Variants in IPO9 observed in about 807,000 individuals in gnomAD.
IPO9 encodes the protein importin 9, also known as importin-9.
In IPO9, 28 loss-of-function variants were observed where a neutral mutation model predicts 128.6. That is an observed-to-expected ratio of 0.22 (90% CI 0.16 to 0.30). IPO9 has a LOEUF of 0.30. IPO9 is among the 10% of genes least tolerant of loss of function. IPO9 has a pLI of 1.00. For missense variants in IPO9, 935 were observed against 1,293.9 expected (o/e 0.72, Z 4.26); for synonymous variants, 455 against 475.8 (o/e 0.96, Z 0.57).
At chr1:201,873,444 C>CAAAAAAAAAAAAAA (rs571580169) in intron 20 of IPO9, among the ~76,000 whole-genome samples, 1 of 58,230 alleles carries the variant, frequency 1.7e-5, no homozygotes, top group East Asian at 4.3e-4. Context: ...GACTCCGTCT[C>CAAAAAAAAAAAAAA]AAAAAAAAAA....
rs1018088123 is a variant in IPO9, at chr1:201,878,450, A to G, written c.*2396A>G. 5 of 152,568 alleles carry G rather than the reference A, an allele frequency of 3.3e-5. No individual in the cohort carries two copies. Among genetic ancestry groups the G allele is most frequent in the Non-Finnish European group, 7.4e-5 (5 of 68,022 alleles). The allele number at this position is 152,568 out of a possible 1,614,324, so 9.5% of individuals were successfully genotyped here. ...GTCCCTCTGCGTCTGCTAATTAGAC[A>G]AACATTCTATATCTAGTGCCAAAAG... On this transcript the variant is annotated 3_prime_UTR_variant, in exon 24 of 24. Coordinates refer to ENST00000361565, the MANE Select transcript of IPO9 (RefSeq NM_018085.5).
intron 1 of IPO9, among the ~76,000 whole-genome samples, chr1:201,843,827 CA>C (rs35870198): frequency 0.37 from 35,785 of 95,852 alleles, 4,032 homozygotes; most frequent in Non-Finnish European, 0.41. Flanking sequence ...GATTCTGTCT[CA>C]AAAAAAAAAA....
rs1571560198 is a variant in IPO9, at chr1:201,877,736, C to G, written c.*1682C>G. 2 of 152,028 alleles carry G rather than the reference C, an allele frequency of 1.3e-5. No homozygotes were observed. Among genetic ancestry groups the G allele is most frequent in the Non-Finnish European group, 2.9e-5 (2 of 68,032 alleles). 9.4% of individuals were successfully genotyped at this position (152,028 alleles called of 1,614,324 possible). A position where few individuals can be genotyped will look rare whatever the true frequency, so the allele number is the denominator to read the frequency against. ...GTCAGGAGTTCGAGACCAGCCTGAC[C>G]AACATGATGAAACCCTGTCTCTACT... On this transcript the variant is annotated 3_prime_UTR_variant, in exon 24 of 24. Transcript: ENST00000361565.
At chr1:201,844,075 G>A (rs983991705) in intron 1 of IPO9, among the ~76,000 whole-genome samples, 1 of 152,004 alleles carries the variant, frequency 6.6e-6, no homozygotes, top group African/African-American at 2.4e-5. Context: ...AAAATCAGTG[G>A]GTGAGACTTT....
rs1330591172 is a variant in IPO9 at position 201,877,987 on chromosome 1, C to G, written c.*1933C>G. ...TGAATCTCCACTCAAGGGGATGGCC[C>G]CAAGGATATTGTAGCTGGTAATTTC... is the stretch of plus-strand genomic sequence containing the variant. On this transcript the variant is annotated 3_prime_UTR_variant, in exon 24 of 24. Transcript: ENST00000361565. 6.6e-6 allele frequency: 1 copy of G among 152,096 alleles called. No homozygotes were observed. Among genetic ancestry groups the G allele is most frequent in the African/African-American group, 2.4e-5 (1 of 41,420 alleles). 9.4% of individuals were successfully genotyped at this position (152,096 alleles called of 1,614,324 possible).
Position 201,854,697 on chromosome 1 carries a change from A to G in IPO9, c.793A>G (p.Lys265Glu). 1.9e-6 allele frequency: 3 copies of G among 1,614,186 alleles called. No individual in the cohort carries two copies. The highest frequency in any genetic ancestry group is 2.5e-6 in the Non-Finnish European group (3 of 1,180,036). The change falls in exon 7 of 24, where the codon AAG (lysine) becomes GAG (glutamate). Residue 265 changes from lysine (K) to glutamate (E), a missense_variant. By Grantham distance (56) the Lys-to-Glu change is moderately conservative. Around this residue, in one of 3 missense-constraint regions of IPO9, gnomAD observed 741 missense variants for 1,019.1 expected, o/e 0.73. Transcript: ENST00000361565. ...TGGCCCCACATCTGACAGTGGGTTT[A>G]AGATGGAGGTCCTAAAGGTAAACAC... ...PDGPTSDSGF[K>E]MEVLKAVTAL...
intron 23 of IPO9, 109 bp from the exon 24 acceptor site, chr1:201,875,835 A>G: frequency 1.4e-6 from 1 of 728,380 alleles, no homozygotes; most frequent in East Asian, 2.5e-5. Flanking sequence ...GGGAGCTGGC[A>G]TTTGTCTAAA....
At chr1:201,853,212 T>C (rs1052063888) in intron 6 of IPO9, 115 bp downstream of exon 6, 1 of 790,916 alleles carries the variant, frequency 1.3e-6, no homozygotes, top group Non-Finnish European at 2.2e-6. Flanking sequence ...GTATTAGAGA[T>C]AGATTTAACA....
intron 4 of IPO9, 39 bp downstream of exon 4, chr1:201,848,633 C>T: frequency 6.3e-7 from 1 of 1,595,584 alleles, no homozygotes; most frequent in Non-Finnish European, 8.6e-7. Context: ...GTACTTGGAT[C>T]TCAAGCGACA....
At position 201,881,951 on chromosome 1, in the gene IPO9, G is replaced by A. The variant is rs1336913986; in HGVS notation, c.*5897G>A. Reference sequence around the variant, plus strand: ...AGGATTTTCCAAAAGTGAGAGCTGTGGAATGAATTGTCTTAAAATGTTGCA... The same window carrying A: ...AGGATTTTCCAAAAGTGAGAGCTGTAGAATGAATTGTCTTAAAATGTTGCA... On this transcript the variant is annotated 3_prime_UTR_variant, in exon 24 of 24. Coordinates refer to ENST00000361565, the MANE Select transcript of IPO9 (RefSeq NM_018085.5). The A allele has an allele frequency of 6.6e-6, 1 of 152,152 alleles. No individual in the cohort carries two copies. The highest frequency in any genetic ancestry group is 1.5e-5 in the Non-Finnish European group (1 of 68,036). 9.4% of individuals were successfully genotyped at this position (152,152 alleles called of 1,614,324 possible).
chr1:201,870,546 C>A lies in IPO9; in HGVS notation c.2134-37C>A. Reference sequence around the variant, plus strand: ...TGAGGGCCTTCTGGCATCTGTCCCTCGATTACTAATCTTGCTTGCCACCCC... The same window carrying A: ...TGAGGGCCTTCTGGCATCTGTCCCTAGATTACTAATCTTGCTTGCCACCCC... On this transcript the variant is annotated intron_variant, in intron 17 of 23. Coordinates refer to ENST00000361565, the MANE Select transcript of IPO9 (RefSeq NM_018085.5). The surrounding 1 kb of genome is among the most constrained non-coding windows in gnomAD (Gnocchi z 4.9). 6.3e-7 allele frequency: 1 copy of A among 1,595,360 alleles called. No homozygotes were observed. The highest frequency in any genetic ancestry group is 8.6e-7 in the Non-Finnish European group (1 of 1,168,696).
chr1:201,863,421 C>A (rs1035832135), intron 13 of IPO9, 27 bp from the exon 14 acceptor site: 1 of 1,525,564 alleles, frequency 6.6e-7, no homozygotes, highest in Non-Finnish European at 8.9e-7. Flanking sequence ...CATTTTCCAG[C>A]CCCTAATTGT....
At chr1:201,865,498 G>A (rs1397782126) in intron 14 of IPO9, among the ~76,000 whole-genome samples, 15 of 152,080 alleles carry the variant, frequency 9.9e-5, no homozygotes, top group East Asian at 7.7e-4. Context: ...ATGAGCCACC[G>A]CGCCCGGCCT....
intron 1 of IPO9, among the ~76,000 whole-genome samples, chr1:201,844,099 A>T (rs999461942): frequency 8.5e-5 from 13 of 152,246 alleles, no homozygotes; most frequent in African/African-American, 3.1e-4. Context: ...AAGAAACAGG[A>T]TAATAGCAAA....
intron 3 of IPO9, among the ~76,000 whole-genome samples, 168 bp downstream of exon 3, chr1:201,847,806 C>G (rs148978002): frequency 6.6e-6 from 1 of 152,284 alleles, no homozygotes; most frequent in Non-Finnish European, 1.5e-5. Context: ...GCTCAAGTAT[C>G]AGGCTGGTCT....
At chr1:201,845,702 T>G (rs1680113992) in intron 1 of IPO9, among the ~76,000 whole-genome samples, 1 of 152,208 alleles carries the variant, frequency 6.6e-6, no homozygotes, top group Non-Finnish European at 1.5e-5. Flanking sequence ...TATAAAAAGA[T>G]ATTTTCCTCT....
At chr1:201,859,130 T>A in intron 13 of IPO9, 136 bp downstream of exon 13, 1 of 590,080 alleles carries the variant, frequency 1.7e-6, no homozygotes, top group Non-Finnish European at 2.7e-6. Context: ...GGCACATGTA[T>A]ACATATGTAA....
intron 23 of IPO9, 82 bp downstream of exon 23, chr1:201,875,310 C>A: frequency 8.0e-7 from 1 of 1,255,014 alleles, no homozygotes; most frequent in Non-Finnish European, 1.2e-6. Flanking sequence ...CCATTTATAG[C>A]CAGGCATGGT....
intron 19 of IPO9, 58 bp downstream of exon 19, chr1:201,871,385 T>C (rs1377653624): frequency 4.0e-6 from 4 of 1,007,118 alleles, no homozygotes; most frequent in East Asian, 3.2e-5. Flanking sequence ...TCTTTTTTTT[T>C]TTTTTTTTTT....
Sources: allele counts gnomAD v4.1 joint callset (sites outside exome capture counted in the v4.1 genomes callset), GRCh38; gene constraint gnomAD v4.1.1; regional missense constraint gnomAD v4.1.1; non-coding constraint Gnocchi (gnomAD v3.1); transcripts MANE v1.5; gene names NCBI Gene and HGNC (gene_info 2026-07-23, HGNC 2026-07-21).